DMXL2: variants seen among roughly 807,000 people sequenced by gnomAD.
DMXL2 encodes the protein Dmx like 2, also known as dmX-like protein 2.
Under a neutral mutation model 331.1 loss-of-function variants are expected in DMXL2, and 103 were observed. The observed-to-expected ratio is 0.31, with a 90% CI of 0.27 to 0.37. The LOEUF is 0.37. Among genes scored for constraint, DMXL2 ranks in the 10% least tolerant of loss-of-function variants. The pLI, the probability that DMXL2 is intolerant of heterozygous loss-of-function variation, is 1.00. For synonymous variants in DMXL2, 1,281 were observed against 1,252.1 expected, an observed-to-expected ratio of 1.02 and a Z score of -0.49; for missense variants, 3,171 against 3,642.9, an observed-to-expected ratio of 0.87 and a Z score of 3.33.
chr15:51,536,109 A>G, intron 12 of DMXL2, 57 bp downstream of exon 12: 1 of 1,387,110 alleles, frequency 7.2e-7, no homozygotes, highest in African/African-American at 1.5e-5. Context: ...CATTTCGTAT[A>G]TAACAAATAA....
chr15:51,547,573 T>G (rs923818278), intron 6 of DMXL2, among the ~76,000 whole-genome samples, 165 bp from the exon 7 acceptor site: 1 of 152,164 alleles, frequency 6.6e-6, no homozygotes, highest in Non-Finnish European at 1.5e-5. Context: ...AGAAAACTAT[T>G]CTTGAAAAAT....
intron 19 of DMXL2, among the ~76,000 whole-genome samples, chr15:51,494,651 TTAAAG>T (rs2043044701): frequency 2.0e-5 from 3 of 152,016 alleles, no homozygotes. Flanking sequence ...AATGCTTACA[TTAAAG>T]TAAATATAAA....
chr15:51,531,970 C>T (rs2048026600), intron 13 of DMXL2, among the ~76,000 whole-genome samples: 2 of 152,134 alleles, frequency 1.3e-5, no homozygotes, highest in South Asian at 4.1e-4. Flanking sequence ...ATGGAGGTTG[C>T]TCACAAAGCT....
intron 13 of DMXL2, among the ~76,000 whole-genome samples, chr15:51,523,909 A>C (rs2047519159): frequency 6.6e-6 from 1 of 152,246 alleles, no homozygotes; most frequent in African/African-American, 2.4e-5. Flanking sequence ...CGCTCTCAAG[A>C]CTTGATAGAA....
chr15:51,531,335 A>G (rs2047993519), intron 13 of DMXL2, among the ~76,000 whole-genome samples: 1 of 152,226 alleles, frequency 6.6e-6, no homozygotes, highest in South Asian at 2.1e-4. Flanking sequence ...CCATATGCAG[A>G]AGAATAAAAC....
At chr15:51,478,949 C>T (rs1360407080) in intron 25 of DMXL2, among the ~76,000 whole-genome samples, 2 of 151,788 alleles carry the variant, frequency 1.3e-5, no homozygotes, top group African/African-American at 4.8e-5. Context: ...CCCTGAAATG[C>T]TATACTGAAT....
At chr15:51,622,158 G>C (rs569547714) in intron 1 of DMXL2, among the ~76,000 whole-genome samples, 3 of 152,338 alleles carry the variant, frequency 2.0e-5, no homozygotes, top group Admixed American at 6.5e-5. Context: ...CTCCACCGCA[G>C]ACCGAAGGGC....
chr15:51,465,766 C>A (rs866354956), intron 30 of DMXL2, 115 bp from the exon 31 acceptor site: 7 of 763,152 alleles, frequency 9.2e-6, no homozygotes, highest in Middle Eastern at 2.4e-4. Flanking sequence ...AAAAAGCTGT[C>A]ATTGAAATTT....
rs559362819 is a variant in DMXL2, at chr15:51,580,434, T to C, written c.88-4253A>G. Among the ~76,000 whole-genome samples the C allele has an allele frequency of 8.2e-4, 125 of 152,284 alleles. 3 individuals are homozygous for C. The South Asian group carries it at 0.013, about 16-fold the overall frequency. ...TGGGAGATAGGCCACAGGATTATTA[T>C]AGGGAGGCAAGGAAAAGGACTGCAA... On this transcript the variant is annotated intron_variant, in intron 1 of 43. Coordinates refer to ENST00000560891, the MANE Select transcript of DMXL2 (RefSeq NM_001378457.1).
intron 23 of DMXL2, among the ~76,000 whole-genome samples, chr15:51,483,672 C>CA (rs1567012281): frequency 6.6e-6 from 1 of 151,794 alleles, no homozygotes; most frequent in Admixed American, 6.6e-5. Context: ...TCCCTGCACT[C>CA]AGAGTTCTGG....
At chr15:51,488,170 T>C in intron 21 of DMXL2, 51 bp from the exon 22 acceptor site, 1 of 1,457,608 alleles carries the variant, frequency 6.9e-7, no homozygotes. Flanking sequence ...TAAAATGTTC[T>C]ACAGAATGTA....
At position 51,622,744 on chromosome 15, in the gene DMXL2, G is replaced by T. The variant is rs2054744212; in HGVS notation, c.-199C>A. On this transcript the variant is annotated 5_prime_UTR_variant, in exon 1 of 44. Coordinates refer to ENST00000560891, the MANE Select transcript of DMXL2 (RefSeq NM_001378457.1). ...TGGGAGCTCCTCGACCGCCGCCGCCGCCCGGGTCGCCGCTCAGCTGCGGAA... is the reference window on the plus strand; with the variant it reads ...TGGGAGCTCCTCGACCGCCGCCGCCTCCCGGGTCGCCGCTCAGCTGCGGAA... 2 of 992,786 alleles carry T rather than the reference G, an allele frequency of 2.0e-6. No individual in the cohort carries two copies. Among genetic ancestry groups the T allele is most frequent in the Non-Finnish European group, 2.8e-6 (2 of 708,706 alleles). The allele number at this position is 992,786 out of a possible 1,614,324, so 61.5% of individuals were successfully genotyped here.
At chr15:51,612,605 G>C (rs955357268) in intron 1 of DMXL2, among the ~76,000 whole-genome samples, 10 of 152,308 alleles carry the variant, frequency 6.6e-5, no homozygotes, top group Non-Finnish European at 1.3e-4. Flanking sequence ...TGTACGAATA[G>C]GGTGTGGGTC....
chr15:51,498,984 T>C lies in DMXL2; in HGVS notation c.4240A>G (p.Lys1414Glu). 6.2e-7 allele frequency: 1 copy of C among 1,614,076 alleles called. No individual in the cohort carries two copies. Among genetic ancestry groups the C allele is most frequent in the Non-Finnish European group, 8.5e-7 (1 of 1,180,024 alleles). ...TCAGTATAATCTCGAGTACCATCTT[T>C]TCCTACGGTGACTGTTTCCTTTGCT... Reference protein sequence around the residue: ...STAKETVTVGKDGTRDYTEID... With the variant: ...STAKETVTVGEDGTRDYTEID... The change falls in exon 18 of 44, where the codon AAA becomes GAA. Residue 1414 changes from lysine to glutamate, a missense_variant. Lys to Glu is a moderately conservative substitution (Grantham distance 56, BLOSUM62 1). This residue lies in a region of DMXL2 where 1,674 missense variants were observed against 1,780.2 expected (regional missense o/e 0.94). Coordinates refer to ENST00000560891, the MANE Select transcript of DMXL2 (RefSeq NM_001378457.1).
chr15:51,489,710 C>T (rs2042657731), intron 20 of DMXL2, among the ~76,000 whole-genome samples: 2 of 152,006 alleles, frequency 1.3e-5, no homozygotes, highest in African/African-American at 4.8e-5. Flanking sequence ...GCTTTACTCT[C>T]AATACTCTTT....
intron 26 of DMXL2, among the ~76,000 whole-genome samples, chr15:51,477,359 T>C (rs2041669145): frequency 6.6e-6 from 1 of 152,036 alleles, no homozygotes; most frequent in African/African-American, 2.4e-5. Flanking sequence ...TGTATTTGCA[T>C]TTTCATTTGG....
chr15:51,591,490 A>T (rs1235673125), intron 1 of DMXL2, among the ~76,000 whole-genome samples: 1 of 152,030 alleles, frequency 6.6e-6, no homozygotes, highest in African/African-American at 2.4e-5. Flanking sequence ...GCCTCTGTAG[A>T]CTCCACCTGT....
intron 1 of DMXL2, among the ~76,000 whole-genome samples, chr15:51,589,130 C>T (rs1567156900): frequency 6.6e-6 from 1 of 152,074 alleles, no homozygotes; most frequent in Non-Finnish European, 1.5e-5. Context: ...ATGAGCTAAG[C>T]CAATCAAAGT....
Position 51,507,182 on chromosome 15 carries a change from T to C in DMXL2, c.2716A>G (p.Ile906Val). 6.2e-7 allele frequency: 1 copy of C among 1,611,474 alleles called. No individual in the cohort carries two copies. Among genetic ancestry groups the C allele is most frequent in the African/African-American group, 1.3e-5 (1 of 74,996 alleles). Residue 906 changes from isoleucine (I) to valine (V), a missense_variant, in exon 16 of 44, where the codon ATT (isoleucine) becomes GTT (valine). Transcript: ENST00000560891. ...AGATGAAGGTGCCACATATGCAGAA[T>C]AGAGTTATTATTGCTGTCCTTCTCA... is the stretch of plus-strand genomic sequence containing the variant. ...VIEKDSNNNS[I>V]LHMWHLHLKS...
Sources: allele counts gnomAD v4.1 joint callset (sites outside exome capture counted in the v4.1 genomes callset), GRCh38; gene constraint gnomAD v4.1.1; regional missense constraint gnomAD v4.1.1; transcripts MANE v1.5; gene names NCBI Gene and HGNC (gene_info 2026-07-23, HGNC 2026-07-21).